The following RGS7BP variants were observed in gnomAD, a reference collection of about 807,000 sequenced individuals.
RGS7BP encodes regulator of G protein signaling 7 binding protein.
RGS7BP carries 9 observed loss-of-function variants against 31.3 expected under a neutral mutation model. The ratio of observed to expected loss-of-function variants is 0.29; its 90% CI spans 0.17 to 0.50. The LOEUF (loss-of-function observed/expected upper bound fraction) is 0.50, where lower values mean the gene tolerates loss of function less well. RGS7BP is among the 20% of genes least tolerant of loss of function. The pLI is 0.98. For missense variants in RGS7BP, 274 were observed against 322.0 expected (o/e 0.85, Z 1.14); for synonymous variants, 115 against 120.1 (o/e 0.96, Z 0.28).
intron 3 of RGS7BP, among the ~76,000 whole-genome samples, chr5:64,589,925 A>C (rs1742863693): frequency 4.3e-5 from 4 of 93,886 alleles, no homozygotes; most frequent in African/African-American, 1.7e-4. Context: ...ACCCTGACTC[A>C]AAAAAAAAAA....
chr5:64,611,255 T>G lies in RGS7BP; in HGVS notation c.*2003T>G, dbSNP rs2111994825. The G allele has an allele frequency of 1.3e-5, 2 of 152,208 alleles. No individual in the cohort carries two copies. The highest frequency in any genetic ancestry group is 4.1e-4 in the South Asian group (2 of 4,820). The allele number at this position is 152,208 out of a possible 1,614,324, so 9.4% of individuals were successfully genotyped here. A position where few individuals can be genotyped will look rare whatever the true frequency, so the allele number is the denominator to read the frequency against. ...TTTGAAATTTTGAAGTAGCCCAGTT[T>G]GGCAGCTCTCAGCACCTGCCTCTGC... On this transcript the variant is annotated 3_prime_UTR_variant, in exon 6 of 6. Transcript: ENST00000334025.
intron 2 of RGS7BP, among the ~76,000 whole-genome samples, chr5:64,528,630 G>A (rs185954397): frequency 2.6e-5 from 4 of 151,974 alleles, no homozygotes; most frequent in Admixed American, 6.6e-5. Flanking sequence ...TGGCCAACAT[G>A]GTGAAACCCC....
chr5:64,531,741 C>G (rs563248678), intron 2 of RGS7BP, among the ~76,000 whole-genome samples: 2 of 152,108 alleles, frequency 1.3e-5, no homozygotes, highest in Non-Finnish European at 1.5e-5. Context: ...CTTGTTTGTG[C>G]ACATGTATGG....
chr5:64,550,729 C>T (rs532845047), intron 2 of RGS7BP, among the ~76,000 whole-genome samples: 1 of 125,908 alleles, frequency 7.9e-6, no homozygotes, highest in African/African-American at 3.0e-5. Flanking sequence ...ATCCCTCCCC[C>T]CTCCCCCAAC....
intron 2 of RGS7BP, among the ~76,000 whole-genome samples, chr5:64,529,620 C>T (rs1749321873): frequency 6.6e-6 from 1 of 152,232 alleles, no homozygotes; most frequent in South Asian, 2.1e-4. Flanking sequence ...TGGTCTGGGG[C>T]ATGGCCTGGG....
chr5:64,548,851 C>CTTTTTTTTTTT lies in RGS7BP; in HGVS notation c.333-26917_333-26907dup, dbSNP rs555751491. On this transcript the variant is annotated intron_variant, in intron 2 of 5. Transcript: ENST00000334025. ...AAAAGGCAAAGTCGAAAGCCCTTTC[C>CTTTTTTTTTTT]TTTTTTTTTTTTTTTTACTAAGTAC... is the stretch of plus-strand genomic sequence containing the variant. 4.5e-3 allele frequency among the ~76,000 whole-genome samples: 625 copies of CTTTTTTTTTTT among 137,394 alleles called. 6 individuals carry two copies. The highest frequency in any genetic ancestry group is 0.014 in the African/African-American group (509 of 36,966). The allele number at this position is 137,394 out of a possible 152,430, so 90.1% of individuals were successfully genotyped here.
At chr5:64,567,706 T>TA (rs146152329) in intron 2 of RGS7BP, among the ~76,000 whole-genome samples, 21,086 of 152,110 alleles carry the variant, frequency 0.14, 1,795 homozygotes, top group Middle Eastern at 0.35. Flanking sequence ...TGAAGAGAAA[T>TA]ACAGCATCAC....
chr5:64,539,549 C>A (rs996532164), intron 2 of RGS7BP: 2 of 152,130 alleles, frequency 1.3e-5, no homozygotes, highest in Non-Finnish European at 2.9e-5. Flanking sequence ...ACCCAGGAGG[C>A]TGAGGCAGAA....
chr5:64,605,510 GAC>G (rs1341084057), intron 5 of RGS7BP, among the ~76,000 whole-genome samples: 1 of 152,140 alleles, frequency 6.6e-6, no homozygotes, highest in Non-Finnish European at 1.5e-5. Context: ...AATGTGGAGA[GAC>G]ACATTTCCTT....
chr5:64,519,652 G>A (rs1014535395), intron 2 of RGS7BP, among the ~76,000 whole-genome samples: 5 of 152,210 alleles, frequency 3.3e-5, no homozygotes, highest in Non-Finnish European at 7.3e-5. Context: ...GAACCATGGG[G>A]AAAGAGAACT....
chr5:64,598,282 C>T (rs1417894363), intron 4 of RGS7BP, 83 bp from the exon 5 acceptor site: 6 of 792,990 alleles, frequency 7.6e-6, no homozygotes, highest in Non-Finnish European at 1.3e-5. Flanking sequence ...CCTCATCTTT[C>T]AGTTGTCTCA....
chr5:64,522,663 C>T (rs1749136551), intron 2 of RGS7BP, among the ~76,000 whole-genome samples: 1 of 152,226 alleles, frequency 6.6e-6, no homozygotes, highest in South Asian at 2.1e-4. Flanking sequence ...GCCATATCAA[C>T]TGTTTCTATA....
intron 5 of RGS7BP, among the ~76,000 whole-genome samples, chr5:64,600,338 C>T (rs908242439): frequency 3.9e-5 from 6 of 152,220 alleles, no homozygotes; most frequent in African/African-American, 1.4e-4. Context: ...ATTCCCTCCC[C>T]ATTTAGTGAT....
At chr5:64,510,256 G>A (rs1748799547) in intron 2 of RGS7BP, among the ~76,000 whole-genome samples, 1 of 152,184 alleles carries the variant, frequency 6.6e-6, no homozygotes, top group Non-Finnish European at 1.5e-5. Context: ...TGAGGAACTT[G>A]CCCAAAGTCA....
intron 2 of RGS7BP, among the ~76,000 whole-genome samples, chr5:64,529,075 T>C (rs962244981): frequency 3.3e-5 from 5 of 152,332 alleles, no homozygotes; most frequent in Non-Finnish European, 7.3e-5. Context: ...AGATTTTAGC[T>C]TTAACAATCT....
intron 4 of RGS7BP, among the ~76,000 whole-genome samples, chr5:64,597,787 G>T (rs1743114410): frequency 6.6e-6 from 1 of 151,926 alleles, no homozygotes; most frequent in Non-Finnish European, 1.5e-5. Flanking sequence ...TACTCAGTGG[G>T]TAAAACGTAC....
intron 2 of RGS7BP, among the ~76,000 whole-genome samples, chr5:64,570,493 T>A (rs1580441625): frequency 6.6e-6 from 1 of 152,282 alleles, no homozygotes; most frequent in South Asian, 2.1e-4. Flanking sequence ...ACTAAATACA[T>A]AAATCATTAC....
chr5:64,554,168 G>A (rs924337764), intron 2 of RGS7BP, among the ~76,000 whole-genome samples: 7 of 152,270 alleles, frequency 4.6e-5, no homozygotes, highest in African/African-American at 1.4e-4. Flanking sequence ...TGGAAGGAAG[G>A]AGAAGAGTTA....
At chr5:64,514,621 TTA>T in intron 2 of RGS7BP, among the ~76,000 whole-genome samples, 1 of 152,314 alleles carries the variant, frequency 6.6e-6, no homozygotes, top group Non-Finnish European at 1.5e-5. Context: ...GCACTTTTCT[TTA>T]ATCAATTTAA....
Sources: gnomAD v4.1 joint callset for allele counts (sites outside exome capture counted in the v4.1 genomes callset) on GRCh38, gnomAD v4.1.1 for gene constraint, MANE v1.5 for transcripts, NCBI Gene and HGNC (gene_info 2026-07-23, HGNC 2026-07-21) for gene names.